Variants in LRRC8D observed in about 807,000 individuals in gnomAD.
LRRC8D encodes the protein leucine rich repeat containing 8 VRAC subunit D, also known as volume-regulated anion channel subunit LRRC8D.
In LRRC8D, 20 loss-of-function variants were observed where a neutral mutation model predicts 55.8. That is an observed-to-expected ratio of 0.36 (90% CI 0.25 to 0.52). The LOEUF (loss-of-function observed/expected upper bound fraction) is 0.52. Ranked by LOEUF, LRRC8D falls within the 20% of genes least tolerant of loss-of-function variation. LRRC8D has a pLI of 0.93. For synonymous variants in LRRC8D, 352 were observed against 377.0 expected (o/e 0.93, Z 0.77); for missense variants, 651 against 1,030.8 (o/e 0.63, Z 5.05).
Position 89,896,786 on chromosome 1 carries a change from C to G in LRRC8D, c.-2-36281C>G, listed in dbSNP as rs533301917. On this transcript the variant is annotated intron_variant, in intron 2 of 2. Transcript: ENST00000337338. ...CCCTTTCTCTCTCTCTGTCTCCTCTCTTTTCTTGTGAATCATAGTTGTTAA... is the reference window on the plus strand; with the variant it reads ...CCCTTTCTCTCTCTCTGTCTCCTCTGTTTTCTTGTGAATCATAGTTGTTAA... 5.3e-5 allele frequency among the ~76,000 whole-genome samples: 8 copies of G among 152,196 alleles called. No individual in the cohort carries two copies. The South Asian group carries it at 1.7e-3, about 32-fold the overall frequency.
chr1:89,875,809 C>T lies in LRRC8D; in HGVS notation c.-3+32027C>T, dbSNP rs115740095. Among the ~76,000 whole-genome samples, 554 of 152,284 alleles carry T rather than the reference C, an allele frequency of 3.6e-3. 3 individuals are homozygous for T. Among genetic ancestry groups the T allele is most frequent in the Non-Finnish European group, 3.8e-3 (258 of 68,020 alleles). On this transcript the variant is annotated intron_variant, in intron 2 of 2. Transcript: ENST00000337338. ...TTATTTTATTTGATTTTCACAAGAA[C>T]GCTTTGTATACTGTTTCATTTTATG...
chr1:89,926,138 G>A (rs1433843393), intron 2 of LRRC8D, among the ~76,000 whole-genome samples: 1 of 152,212 alleles, frequency 6.6e-6, no homozygotes, highest in Non-Finnish European at 1.5e-5. Flanking sequence ...ACACCTCTGT[G>A]AAGTTCTCCC....
intron 2 of LRRC8D, among the ~76,000 whole-genome samples, chr1:89,859,077 A>C (rs2100788184): frequency 6.6e-6 from 1 of 152,248 alleles, no homozygotes; most frequent in East Asian, 1.9e-4. Context: ...TTCTTTACAA[A>C]ATTTTTGGTG....
chr1:89,831,960 G>A (rs1415483028), intron 1 of LRRC8D, among the ~76,000 whole-genome samples: 3 of 152,184 alleles, frequency 2.0e-5, no homozygotes, highest in South Asian at 4.1e-4. Context: ...TGGAACACCA[G>A]CTTGTTTTGC....
intron 2 of LRRC8D, among the ~76,000 whole-genome samples, chr1:89,874,560 T>TA (rs1433146317): frequency 6.6e-6 from 1 of 151,634 alleles, no homozygotes; most frequent in Non-Finnish European, 1.5e-5. Flanking sequence ...CTTTATCACC[T>TA]AAAAAAAGAA....
At chr1:89,926,754 A>G (rs1663574224) in intron 2 of LRRC8D, among the ~76,000 whole-genome samples, 1 of 152,230 alleles carries the variant, frequency 6.6e-6, no homozygotes. Flanking sequence ...GAGATCTTGT[A>G]TAGGAAAGTA....
intron 2 of LRRC8D, among the ~76,000 whole-genome samples, chr1:89,847,717 C>G (rs986418093): frequency 2.0e-5 from 3 of 152,108 alleles, no homozygotes; most frequent in African/African-American, 7.2e-5. Context: ...GCTCCTGACA[C>G]CAAAATCAGG....
chr1:89,874,714 A>G (rs1382828984), intron 2 of LRRC8D, among the ~76,000 whole-genome samples: 1 of 152,180 alleles, frequency 6.6e-6, no homozygotes, highest in Non-Finnish European at 1.5e-5. Flanking sequence ...TGAATTGTAG[A>G]TGTTGAATTG....
chr1:89,822,241 T>G (rs971774063), intron 1 of LRRC8D: 1 of 152,562 alleles, frequency 6.6e-6, no homozygotes, highest in Non-Finnish European at 1.5e-5. Context: ...AGCACGCACT[T>G]GGGGTGTGTG....
chr1:89,879,852 T>A (rs1662236874), intron 2 of LRRC8D, among the ~76,000 whole-genome samples: 2 of 152,260 alleles, frequency 1.3e-5, no homozygotes, highest in South Asian at 4.1e-4. Context: ...TGCTTTTGCA[T>A]TCTAATTGGA....
chr1:89,855,293 G>A (rs551327955), intron 2 of LRRC8D, among the ~76,000 whole-genome samples: 79 of 152,252 alleles, frequency 5.2e-4, no homozygotes, highest in African/African-American at 1.8e-3. Context: ...TCCTCTGGAA[G>A]GTGTACTTAT....
chr1:89,827,740 G>T (rs1478164521), intron 1 of LRRC8D, among the ~76,000 whole-genome samples: 1 of 152,200 alleles, frequency 6.6e-6, no homozygotes, highest in African/African-American at 2.4e-5. Flanking sequence ...CTCTGTCAGT[G>T]TGGTTAGGAT....
rs1315466738 is a variant in LRRC8D, at chr1:89,933,201, A to G, written c.133A>G (p.Met45Val). ...MLMVAIFAGT[M>V]QLTKDQVVCL... is the part of the protein sequence containing the mutation. ...AATGGTAGCCATCTTTGCAGGAACC[A>G]TGCAACTTACCAAAGATCAGGTGGT... Residue 45 changes from methionine (M) to valine (V), a missense_variant, in exon 3 of 3, where the codon ATG becomes GTG. Transcript: ENST00000337338. This position sits in a 1 kb window ranked among gnomAD's most constrained non-coding sequence, Gnocchi z 7.0. The G allele has an allele frequency of 6.2e-7, 1 of 1,614,220 alleles. No homozygotes were observed. The highest frequency in any genetic ancestry group is 8.5e-7 in the Non-Finnish European group (1 of 1,180,044).
In LRRC8D at chr1:89,935,362, A is replaced by G. The variant is rs764611097; in HGVS notation, c.2294A>G (p.Asp765Gly). 3 of 1,614,140 alleles carry G rather than the reference A, an allele frequency of 1.9e-6. No individual in the cohort carries two copies. The highest frequency in any genetic ancestry group is 2.5e-6 in the Non-Finnish European group (3 of 1,180,048). ...TTGCATATCACTGGGAACAAAGTGGACATTCTGCCAAAACAATTGTTTAAA... is the reference window on the plus strand; with the variant it reads ...TTGCATATCACTGGGAACAAAGTGGGCATTCTGCCAAAACAATTGTTTAAA... ...QHLHITGNKV[D>G]ILPKQLFKCI... The change falls in exon 3 of 3, where the codon GAC becomes GGC. Residue 765 changes from aspartate (D) to glycine (G), a missense_variant. This residue lies in a region of LRRC8D where 338 missense variants were observed against 479.4 expected (regional missense o/e 0.71). Transcript: ENST00000337338.
At chr1:89,898,359 C>T (rs545255956) in intron 2 of LRRC8D, among the ~76,000 whole-genome samples, 214 of 152,268 alleles carry the variant, frequency 1.4e-3, no homozygotes, top group Admixed American at 2.4e-3. Flanking sequence ...GGAAGGAAAG[C>T]GTTATTCATT....
At chr1:89,849,033 C>A (rs939400229) in intron 2 of LRRC8D, among the ~76,000 whole-genome samples, 3 of 152,150 alleles carry the variant, frequency 2.0e-5, no homozygotes, top group African/African-American at 7.2e-5. Context: ...CTGAGGCAGG[C>A]AGAGACTCCA....
intron 2 of LRRC8D, among the ~76,000 whole-genome samples, chr1:89,932,483 T>C (rs773751695): frequency 6.6e-6 from 1 of 152,206 alleles, no homozygotes; most frequent in Non-Finnish European, 1.5e-5. Flanking sequence ...AACAAACACT[T>C]GTGGCCAGAG....
chr1:89,834,528 G>A (rs971213314), intron 1 of LRRC8D, among the ~76,000 whole-genome samples: 1 of 152,224 alleles, frequency 6.6e-6, no homozygotes, highest in African/African-American at 2.4e-5. Context: ...CTTCGACCTA[G>A]GTCTCTTTCT....
At chr1:89,931,665 A>C (rs1663708883) in intron 2 of LRRC8D, among the ~76,000 whole-genome samples, 1 of 152,186 alleles carries the variant, frequency 6.6e-6, no homozygotes, top group African/African-American at 2.4e-5. Flanking sequence ...AGGCTGAGGC[A>C]GGAGAATCGC....
Sources: gnomAD v4.1 joint callset for allele counts (sites outside exome capture counted in the v4.1 genomes callset) on GRCh38, gnomAD v4.1.1 for gene constraint, gnomAD v4.1.1 regional missense constraint, Gnocchi (gnomAD v3.1) non-coding constraint, MANE v1.5 for transcripts, NCBI Gene and HGNC (gene_info 2026-07-23, HGNC 2026-07-21) for gene names.